Variants in FHL5 observed in about 807,000 individuals in gnomAD.
FHL5 encodes the protein four and a half LIM domains protein 5.
Under a neutral mutation model 32.0 loss-of-function variants are expected in FHL5, and 33 were observed. The observed-to-expected ratio is 1.03, with a 90% CI of 0.78 to 1.38. The LOEUF is 1.38. Among genes scored for constraint, FHL5 ranks in the 40% most tolerant of loss-of-function variants. FHL5 has a pLI of 0.00. For synonymous variants in FHL5, 114 were observed against 113.6 expected, an observed-to-expected ratio of 1.00 and a Z score of -0.02; for missense variants, 336 against 343.9, an observed-to-expected ratio of 0.98 and a Z score of 0.18.
At chr6:96,568,516 G>A (rs1488218501) in intron 1 of FHL5, among the ~76,000 whole-genome samples, 1 of 151,708 alleles carries the variant, frequency 6.6e-6, no homozygotes. Flanking sequence ...TTCAATTTCT[G>A]GAAGAATTTG....
At chr6:96,589,760 T>C (rs1770876452) in intron 1 of FHL5, among the ~76,000 whole-genome samples, 1 of 152,094 alleles carries the variant, frequency 6.6e-6, no homozygotes, top group African/African-American at 2.4e-5. Flanking sequence ...TACAAGTTTA[T>C]AATGACATTC....
chr6:96,600,548 A>G (rs982871952), intron 1 of FHL5, among the ~76,000 whole-genome samples: 2 of 151,934 alleles, frequency 1.3e-5, no homozygotes, highest in Non-Finnish European at 2.9e-5. Context: ...CTTCCTTAAG[A>G]TCTTCCTAGG....
intron 1 of FHL5, among the ~76,000 whole-genome samples, chr6:96,583,784 T>G (rs1317294721): frequency 1.3e-5 from 2 of 152,098 alleles, no homozygotes; most frequent in Non-Finnish European, 1.5e-5. Flanking sequence ...GGCAGGACCT[T>G]AGGGCTTTAA....
intron 1 of FHL5, among the ~76,000 whole-genome samples, chr6:96,575,728 C>T (rs1443004958): frequency 6.6e-6 from 1 of 152,162 alleles, no homozygotes; most frequent in Non-Finnish European, 1.5e-5. Context: ...GAGAAGTTCT[C>T]TCTTACGATC....
rs1420593103 is a variant in FHL5 at position 96,593,695 on chromosome 6, C to T, written c.-12-9907C>T. Among the ~76,000 whole-genome samples, 3 of 152,078 alleles carry T rather than the reference C, an allele frequency of 2.0e-5. No homozygotes were observed. The East Asian group carries it at 5.8e-4, about 29-fold the overall frequency. On this transcript the variant is annotated intron_variant, in intron 1 of 5. Coordinates refer to ENST00000450218, the MANE Select transcript of FHL5 (RefSeq NM_001322466.2). ...CAGAAGTGCCATACAGCTTCTCAGA[C>T]TATTCATTTTATCTTTTTGGATGTA...
chr6:96,611,920 C>T (rs902876840), intron 5 of FHL5, among the ~76,000 whole-genome samples: 1 of 152,164 alleles, frequency 6.6e-6, no homozygotes, highest in Non-Finnish European at 1.5e-5. Flanking sequence ...TTGGCCTGAA[C>T]ATGTTTGGAA....
chr6:96,574,154 A>T (rs1335915153), intron 1 of FHL5, among the ~76,000 whole-genome samples: 4 of 152,222 alleles, frequency 2.6e-5, no homozygotes, highest in Non-Finnish European at 4.4e-5. Flanking sequence ...TACCATGTTA[A>T]TGACTTCTAG....
intron 1 of FHL5, among the ~76,000 whole-genome samples, chr6:96,571,657 C>T (rs535685513): frequency 2.8e-4 from 42 of 152,196 alleles, no homozygotes; most frequent in African/African-American, 5.5e-4. Flanking sequence ...GCTCAGGGTG[C>T]CAGGTTGTAG....
chr6:96,581,995 G>A (rs2983896), intron 1 of FHL5, among the ~76,000 whole-genome samples: 37,793 of 151,958 alleles, frequency 0.25, 5,084 homozygotes, highest in African/African-American at 0.34. Flanking sequence ...AGCCTATGCT[G>A]AATACTTTTA....
chr6:96,579,002 C>T (rs1489326487), intron 1 of FHL5, among the ~76,000 whole-genome samples: 2 of 152,028 alleles, frequency 1.3e-5, no homozygotes, highest in Non-Finnish European at 2.9e-5. Flanking sequence ...TTCTTTGGAG[C>T]TTAGTTTTCA....
chr6:96,603,718 T>C lies in FHL5; in HGVS notation c.105T>C (p.Arg35=). The C allele has an allele frequency of 6.2e-7, 1 of 1,612,322 alleles. No homozygotes were observed. Residue 35 remains arginine (R), a synonymous_variant, in exon 2 of 6, where the codon CGT becomes CGC. Coordinates refer to ENST00000450218, the MANE Select transcript of FHL5 (RefSeq NM_001322466.2). ...CATACTGTGTTACATGTTATGATCGTGTATTTTCTAACTATTGCGAGGAAT... is the reference window on the plus strand; with the variant it reads ...CATACTGTGTTACATGTTATGATCGCGTATTTTCTAACTATTGCGAGGAAT... ...DSPYCVTCYD[R]VFSNYCEECK...
intron 1 of FHL5, among the ~76,000 whole-genome samples, chr6:96,602,283 T>G (rs1771164234): frequency 6.6e-6 from 1 of 152,024 alleles, no homozygotes; most frequent in Non-Finnish European, 1.5e-5. Context: ...TTAGAAAATA[T>G]TCAAAGCTCC....
At chr6:96,606,838 C>G (rs544362798) in intron 4 of FHL5, among the ~76,000 whole-genome samples, 5 of 152,146 alleles carry the variant, frequency 3.3e-5, no homozygotes, top group Non-Finnish European at 5.9e-5. Context: ...TTCTCACATT[C>G]TTTCTCAGCA....
intron 1 of FHL5, among the ~76,000 whole-genome samples, chr6:96,582,633 C>G (rs1423014869): frequency 1.3e-5 from 2 of 152,050 alleles, no homozygotes; most frequent in Non-Finnish European, 2.9e-5. Flanking sequence ...CATCAGCTCT[C>G]TGGAGAATTT....
intron 1 of FHL5, among the ~76,000 whole-genome samples, chr6:96,571,010 T>G (rs1024111168): frequency 6.6e-6 from 1 of 152,168 alleles, no homozygotes; most frequent in African/African-American, 2.4e-5. Context: ...TTAATTGGAG[T>G]CTGTTACTAG....
chr6:96,565,597 G>C (rs1770339146), intron 1 of FHL5, among the ~76,000 whole-genome samples: 2 of 152,066 alleles, frequency 1.3e-5, no homozygotes, highest in Admixed American at 6.5e-5. Flanking sequence ...TCACCAAATG[G>C]ATCCTGAGTA....
intron 1 of FHL5, among the ~76,000 whole-genome samples, chr6:96,587,155 G>A (rs1770815911): frequency 6.6e-6 from 1 of 152,210 alleles, no homozygotes; most frequent in Admixed American, 6.5e-5. Context: ...AGTGTTTGGA[G>A]AAAGTTAGCC....
chr6:96,587,346 A>T (rs1055798354), intron 1 of FHL5, among the ~76,000 whole-genome samples: 2 of 152,146 alleles, frequency 1.3e-5, no homozygotes, highest in African/African-American at 4.8e-5. Flanking sequence ...TAATCTTAAA[A>T]AAGTCCTTAA....
chr6:96,599,349 C>T (rs1311959964), intron 1 of FHL5, among the ~76,000 whole-genome samples: 2 of 152,024 alleles, frequency 1.3e-5, no homozygotes, highest in Admixed American at 6.5e-5. Context: ...GCATGCACCA[C>T]CACACCCAGC....
Sources: gnomAD v4.1 joint callset for allele counts (sites outside exome capture counted in the v4.1 genomes callset) on GRCh38, gnomAD v4.1.1 for gene constraint, MANE v1.5 for transcripts, NCBI Gene and HGNC (gene_info 2026-07-23, HGNC 2026-07-21) for gene names.